TPST1: variants seen among roughly 807,000 people sequenced by gnomAD.
TPST1 encodes the protein tyrosylprotein sulfotransferase 1.
Under a neutral mutation model 34.8 loss-of-function variants are expected in TPST1, and 20 were observed. The observed-to-expected ratio is 0.57, with a 90% CI of 0.40 to 0.84. The LOEUF (loss-of-function observed/expected upper bound fraction) is 0.84. TPST1 is among the 40% of genes least tolerant of loss of function. TPST1 has a pLI of 0.00. For missense variants in TPST1, 353 were observed against 455.5 expected (o/e 0.78, Z 2.05); for synonymous variants, 152 against 159.4 (o/e 0.95, Z 0.35).
chr7:66,247,569 A>G (rs983500385), intron 2 of TPST1, among the ~76,000 whole-genome samples: 14 of 152,314 alleles, frequency 9.2e-5, no homozygotes, highest in African/African-American at 2.9e-4. Context: ...ATGACATTTT[A>G]GTCAGATAAT....
chr7:66,296,219 C>T lies in TPST1; in HGVS notation c.1044+9510C>T, dbSNP rs547352452. Among the ~76,000 whole-genome samples, 284 of 149,362 alleles carry T rather than the reference C, an allele frequency of 1.9e-3. 2 individuals carry two copies. Among genetic ancestry groups the T allele is most frequent in the African/African-American group, 6.9e-3 (279 of 40,330 alleles). The stretch of plus-strand genomic sequence containing the variant: ...TGGTTTTTGAAAGGATTTCAAAATA[C>T]CCACTGAAATTAAAAAACACCCACC... On this transcript the variant is annotated intron_variant, in intron 3 of 5. Transcript: ENST00000304842.
chr7:66,312,584 A>C (rs576160187), intron 3 of TPST1, among the ~76,000 whole-genome samples: 2 of 152,306 alleles, frequency 1.3e-5, no homozygotes, highest in East Asian at 3.9e-4. Flanking sequence ...AATATCGTTA[A>C]TTTAAAAAAT....
At chr7:66,220,421 C>G (rs1789517638) in intron 1 of TPST1, among the ~76,000 whole-genome samples, 1 of 152,088 alleles carries the variant, frequency 6.6e-6, no homozygotes, top group South Asian at 2.1e-4. Context: ...ACTGGAAAAA[C>G]AGACAAAGTA....
chr7:66,222,583 C>T (rs1346102091), intron 1 of TPST1, among the ~76,000 whole-genome samples: 2 of 151,794 alleles, frequency 1.3e-5, no homozygotes, highest in South Asian at 2.1e-4. Flanking sequence ...GCAGGAAAGA[C>T]GAAAAAAGGC....
At chr7:66,316,540 T>C (rs1791636811) in intron 3 of TPST1, among the ~76,000 whole-genome samples, 2 of 152,226 alleles carry the variant, frequency 1.3e-5, no homozygotes, top group Non-Finnish European at 2.9e-5. Flanking sequence ...TTCCACTTTG[T>C]GGATAGATTT....
At chr7:66,224,986 T>C (rs1789622242) in intron 1 of TPST1, among the ~76,000 whole-genome samples, 1 of 135,956 alleles carries the variant, frequency 7.4e-6, no homozygotes, top group Non-Finnish European at 1.6e-5. Flanking sequence ...GGCACGATCT[T>C]GGCTCACCAC....
intron 2 of TPST1, among the ~76,000 whole-genome samples, chr7:66,258,232 G>A (rs1308865641): frequency 6.6e-6 from 1 of 152,026 alleles, no homozygotes; most frequent in East Asian, 1.9e-4. Context: ...GCTCTCATTT[G>A]AGTAATTTTG....
chr7:66,220,360 A>G (rs1282708613), intron 1 of TPST1, among the ~76,000 whole-genome samples: 3 of 152,066 alleles, frequency 2.0e-5, no homozygotes, highest in Non-Finnish European at 4.4e-5. Flanking sequence ...TTGGCAATCT[A>G]AAATTCATTA....
chr7:66,240,386 G>T lies in TPST1; in HGVS notation c.-40G>T. The T allele has an allele frequency of 6.3e-7, 1 of 1,584,072 alleles. No homozygotes were observed. ...CTGAACATTTTCCGAAAATCATTTT[G>T]AGCAAAATATCTGTTTAATAACAAG... On this transcript the variant is annotated 5_prime_UTR_variant, in exon 2 of 6. Coordinates refer to ENST00000304842, the MANE Select transcript of TPST1 (RefSeq NM_003596.4).
chr7:66,325,087 G>A (rs991954100), intron 3 of TPST1, among the ~76,000 whole-genome samples: 1 of 152,090 alleles, frequency 6.6e-6, no homozygotes, highest in Non-Finnish European at 1.5e-5. Context: ...AGCATGGCTG[G>A]GGAGGCCTCA....
intron 1 of TPST1, among the ~76,000 whole-genome samples, chr7:66,221,876 A>G (rs1200437097): frequency 6.6e-6 from 1 of 152,078 alleles, no homozygotes; most frequent in Non-Finnish European, 1.5e-5. Flanking sequence ...GAATTTTGTA[A>G]TTATTTTATT....
chr7:66,249,158 C>G (rs571088710), intron 2 of TPST1, among the ~76,000 whole-genome samples: 24 of 152,078 alleles, frequency 1.6e-4, no homozygotes, highest in African/African-American at 5.3e-4. Flanking sequence ...CACAAACATT[C>G]AGTCCATAAT....
rs915816878 is a variant in TPST1, at chr7:66,332,118, C to T, written c.1045-20387C>T. 8.6e-5 allele frequency among the ~76,000 whole-genome samples: 13 copies of T among 151,148 alleles called. No homozygotes were observed. The highest frequency in any genetic ancestry group is 4.0e-4 in the Admixed American group (6 of 15,040). ...GTAAACGTAATGTGCTTGAATCATC[C>T]GGAAACCATCCCCTCTGCTGGTCCA... is the stretch of plus-strand genomic sequence containing the variant. On this transcript the variant is annotated intron_variant, in intron 3 of 5. Transcript: ENST00000304842. The surrounding 1 kb of genome is among the most constrained non-coding windows in gnomAD (Gnocchi z 4.5).
chr7:66,247,545 TC>T (rs1790173094), intron 2 of TPST1, among the ~76,000 whole-genome samples: 1 of 152,170 alleles, frequency 6.6e-6, no homozygotes, highest in South Asian at 2.1e-4. Flanking sequence ...AAGAAGGGTT[TC>T]CTCAAGCTTG....
intron 4 of TPST1, 46 bp downstream of exon 4, chr7:66,352,601 T>C: frequency 6.3e-7 from 1 of 1,587,802 alleles, no homozygotes; most frequent in South Asian, 1.2e-5. Flanking sequence ...GATTGGCTCT[T>C]GCATTGAAGT....
intron 1 of TPST1, among the ~76,000 whole-genome samples, chr7:66,237,122 A>T (rs573160922): frequency 6.6e-6 from 1 of 152,018 alleles, no homozygotes; most frequent in South Asian, 2.1e-4. Flanking sequence ...AGAGCTGTTC[A>T]CCCTCTCACT....
intron 3 of TPST1, 106 bp downstream of exon 3, chr7:66,286,815 A>ATTTTGGTT (rs55778801): frequency 2.9e-5 from 10 of 339,010 alleles, no homozygotes; most frequent in Non-Finnish European, 4.0e-5. Context: ...TCAGAAAAAT[A>ATTTTGGTT]TATTTTTTTT....
chr7:66,292,863 C>T (rs1055260394), intron 3 of TPST1, among the ~76,000 whole-genome samples: 8 of 152,072 alleles, frequency 5.3e-5, no homozygotes, highest in African/African-American at 1.2e-4. Flanking sequence ...TGTTCCTATT[C>T]GGCCATCTTG....
intron 3 of TPST1, among the ~76,000 whole-genome samples, chr7:66,350,306 C>T (rs1327900661): frequency 6.6e-6 from 1 of 152,164 alleles, no homozygotes; most frequent in Non-Finnish European, 1.5e-5. Flanking sequence ...TGAGCTACCG[C>T]GCCCAGCCGA....
Sources: allele counts gnomAD v4.1 joint callset (sites outside exome capture counted in the v4.1 genomes callset), GRCh38; gene constraint gnomAD v4.1.1; non-coding constraint Gnocchi (gnomAD v3.1); transcripts MANE v1.5; gene names NCBI Gene and HGNC (gene_info 2026-07-23, HGNC 2026-07-21).